Variants in RASGRP1 observed in about 807,000 individuals in gnomAD.
The protein encoded by RASGRP1 is RAS guanyl-releasing protein 1.
Under a neutral mutation model 95.1 loss-of-function variants are expected in RASGRP1, and 37 were observed. That is an observed-to-expected ratio of 0.39 (90% confidence interval 0.30 to 0.51). RASGRP1 has a LOEUF of 0.51. RASGRP1 is among the 20% of genes least tolerant of loss of function. The pLI, the probability that RASGRP1 is intolerant of heterozygous loss-of-function variation, is 0.80. For missense variants in RASGRP1, 711 were observed against 965.4 expected (o/e 0.74, Z 3.49); for synonymous variants, 325 against 353.4 (o/e 0.92, Z 0.90).
At chr15:38,537,837 G>T (rs536752800) in intron 2 of RASGRP1, among the ~76,000 whole-genome samples, 1 of 152,196 alleles carries the variant, frequency 6.6e-6, no homozygotes, top group South Asian at 2.1e-4. Context: ...GTTTACAGAG[G>T]TGCTAGAGAG....
intron 2 of RASGRP1, among the ~76,000 whole-genome samples, chr15:38,548,824 A>G (rs1171994164): frequency 6.6e-6 from 1 of 152,104 alleles, no homozygotes; most frequent in Non-Finnish European, 1.5e-5. Flanking sequence ...TCTCCTTGCA[A>G]TTTTGAGGGT....
chr15:38,542,061 T>C (rs1388350088), intron 2 of RASGRP1, among the ~76,000 whole-genome samples: 1 of 152,028 alleles, frequency 6.6e-6, no homozygotes, highest in Admixed American at 6.5e-5. Context: ...AGCTTACCCA[T>C]TAGGTGCCTA....
chr15:38,560,611 G>A (rs966721508), intron 1 of RASGRP1, among the ~76,000 whole-genome samples: 1 of 152,226 alleles, frequency 6.6e-6, no homozygotes, highest in Non-Finnish European at 1.5e-5. Flanking sequence ...TGCAGGAAGT[G>A]AGGGGTGATG....
At chr15:38,516,713 T>G (rs1180881507) in intron 5 of RASGRP1, among the ~76,000 whole-genome samples, 1 of 151,868 alleles carries the variant, frequency 6.6e-6, no homozygotes, top group Non-Finnish European at 1.5e-5. Flanking sequence ...GCTTGTGTGT[T>G]CCTTCATTCT....
intron 2 of RASGRP1, among the ~76,000 whole-genome samples, chr15:38,528,087 G>A (rs1027120287): frequency 6.6e-6 from 1 of 152,018 alleles, no homozygotes; most frequent in African/African-American, 2.4e-5. Context: ...GCCCTCTCCT[G>A]TTAGCATGGA....
At chr15:38,531,749 ACTCT>A (rs1892448355) in intron 2 of RASGRP1, among the ~76,000 whole-genome samples, 2 of 149,180 alleles carry the variant, frequency 1.3e-5, no homozygotes, top group South Asian at 4.3e-4. Flanking sequence ...AGACAGAAAC[ACTCT>A]CTCTCTACAC....
intron 2 of RASGRP1, among the ~76,000 whole-genome samples, chr15:38,543,815 C>T (rs1278301560): frequency 6.6e-6 from 1 of 151,734 alleles, no homozygotes; most frequent in Non-Finnish European, 1.5e-5. Flanking sequence ...TACTTTAAAT[C>T]CTCCAACATA....
intron 2 of RASGRP1, among the ~76,000 whole-genome samples, chr15:38,554,913 C>T (rs74009833): frequency 0.027 from 4,059 of 152,274 alleles, 196 homozygotes; most frequent in African/African-American, 0.092. Context: ...GCTAAGGCTT[C>T]GGCCCCTTCC....
intron 7 of RASGRP1, 133 bp downstream of exon 7, chr15:38,512,650 C>A: frequency 2.7e-6 from 3 of 1,125,790 alleles, no homozygotes; most frequent in Non-Finnish European, 3.8e-6. Flanking sequence ...GTTGAAGGCA[C>A]ACAAACCTCT....
At chr15:38,560,083 G>A in intron 1 of RASGRP1, 78 bp from the exon 2 acceptor site, 1 of 1,302,180 alleles carries the variant, frequency 7.7e-7, no homozygotes, top group Non-Finnish European at 1.1e-6. Flanking sequence ...GGAAGGGAAT[G>A]GAGATAAGAC....
chr15:38,505,770 G>T, intron 10 of RASGRP1, 70 bp downstream of exon 10: 1 of 1,222,554 alleles, frequency 8.2e-7, no homozygotes, highest in Non-Finnish European at 1.2e-6. Flanking sequence ...CTGTTCCTGA[G>T]GATGAATGAA....
At chr15:38,502,286 A>G (rs776416726) in intron 12 of RASGRP1, 26 bp downstream of exon 12, 3 of 1,495,174 alleles carry the variant, frequency 2.0e-6, no homozygotes, top group Admixed American at 1.7e-5. Context: ...GCTCATAACC[A>G]CATATTCCTA....
intron 2 of RASGRP1, among the ~76,000 whole-genome samples, chr15:38,540,851 T>C (rs1450084485): frequency 1.3e-4 from 20 of 152,332 alleles, no homozygotes; most frequent in Non-Finnish European, 2.9e-5. Context: ...TTTTCCAAAA[T>C]ATATGTACTG....
At position 38,516,245 on chromosome 15, in the gene RASGRP1, T is replaced by C; in HGVS notation, c.627A>G (p.Leu209=). The part of the protein sequence containing the change: ...LLFDHLEPEE[L]SEHLTYLEFK... The stretch of plus-strand genomic sequence containing the variant: ...ACTCAAGGTAGGTGAGGTGCTCGGA[T>C]AGCTCTTCTGGTTCCAGATGGTCAA... The change falls in exon 6 of 17, where the codon CTA becomes CTG. Residue 209 remains leucine (L), a synonymous_variant. Transcript: ENST00000310803. The C allele has an allele frequency of 1.2e-6, 2 of 1,602,312 alleles. No homozygotes were observed. The highest frequency in any genetic ancestry group is 3.3e-5 in the Admixed American group (2 of 59,974).
chr15:38,500,451 C>T (rs955494548), intron 13 of RASGRP1, among the ~76,000 whole-genome samples: 3 of 152,056 alleles, frequency 2.0e-5, no homozygotes, highest in African/African-American at 7.2e-5. Context: ...AAGCAATTCT[C>T]CTGTCTCAGT....
intron 2 of RASGRP1, among the ~76,000 whole-genome samples, chr15:38,527,460 G>T (rs1312473238): frequency 1.3e-5 from 2 of 152,114 alleles, no homozygotes; most frequent in African/African-American, 4.8e-5. Flanking sequence ...TGGCCCCCTG[G>T]CCCCAAGGGT....
chr15:38,502,365 A>G lies in RASGRP1; in HGVS notation c.1485T>C (p.Phe495=), dbSNP rs12324402. ...DQDGYISQEE[F]EKIAASFPFS... is the part of the protein sequence containing the mutation. ...ATGGAAAACTCGCAGCAATCTTTTC[A>G]AATTCTTCCTGAGAAATGTATCCAT... Residue 495 remains phenylalanine (F), a synonymous_variant, in exon 12 of 17, where the codon TTT becomes TTC. Coordinates refer to ENST00000310803, the MANE Select transcript of RASGRP1 (RefSeq NM_005739.4). 0.24 allele frequency: 392,172 copies of G among 1,604,328 alleles called. 50,342 individuals carry two copies. Among genetic ancestry groups the G allele is most frequent in the Non-Finnish European group, 0.26 (307,903 of 1,171,424 alleles).
At chr15:38,555,595 A>T (rs1046057455) in intron 2 of RASGRP1, among the ~76,000 whole-genome samples, 9 of 152,190 alleles carry the variant, frequency 5.9e-5, no homozygotes, top group South Asian at 2.1e-4. Context: ...CTCTCTTGAG[A>T]CTGGGGGCAC....
In RASGRP1 at chr15:38,559,908, T is replaced by C; in HGVS notation, c.133A>G (p.Thr45Ala). ...FPSHPSLAHI[T>A]QFRMMVSLGH... ...AGAGACACCATCATTCGGAACTGGG[T>C]GATGTGGGCCAAGCTGGGATGGGAG... Residue 45 changes from threonine (T) to alanine (A), a missense_variant, in exon 2 of 17, where the codon ACC becomes GCC. This residue lies in a region of RASGRP1 where 491 missense variants were observed against 676.6 expected (regional missense o/e 0.73). Coordinates refer to ENST00000310803, the MANE Select transcript of RASGRP1 (RefSeq NM_005739.4). 1 of 1,613,380 alleles carries C rather than the reference T, an allele frequency of 6.2e-7. No homozygotes were observed. The highest frequency in any genetic ancestry group is 8.5e-7 in the Non-Finnish European group (1 of 1,179,650).
Sources: gnomAD v4.1 joint callset for allele counts (sites outside exome capture counted in the v4.1 genomes callset) on GRCh38, gnomAD v4.1.1 for gene constraint, gnomAD v4.1.1 regional missense constraint, MANE v1.5 for transcripts, NCBI Gene and HGNC (gene_info 2026-07-23, HGNC 2026-07-21) for gene names.